The following SLC38A5 variants were observed in gnomAD, a reference collection of about 807,000 sequenced individuals.
SLC38A5 encodes sodium-coupled neutral amino acid transporter 5.
In SLC38A5, 9 loss-of-function variants were observed where a neutral mutation model predicts 34.6. That is an observed-to-expected ratio of 0.26 (90% confidence interval 0.16 to 0.45). The LOEUF is 0.45. Ranked by LOEUF, SLC38A5 falls within the 20% of genes least tolerant of loss-of-function variation. The pLI is 1.00. For missense variants in SLC38A5, 253 were observed against 394.7 expected, an observed-to-expected ratio of 0.64 and a Z score of 3.04; for synonymous variants, 157 against 155.6, an observed-to-expected ratio of 1.01 and a Z score of -0.07.
chrX:48,466,318 G>C lies in SLC38A5; in HGVS notation c.324C>G (p.Ile108Met). 1 of 1,194,371 alleles carries C rather than the reference G, an allele frequency of 8.4e-7. No homozygotes were observed. The highest frequency in any genetic ancestry group is 2.3e-5 in the Admixed American group (1 of 43,871). The change falls in exon 7 of 17, where the codon ATC (isoleucine) becomes ATG (methionine). Residue 108 changes from isoleucine to methionine, a missense_variant. Physicochemically the swap from Ile to Met is conservative, Grantham distance 10 (BLOSUM62 1). Around this residue, in one of 3 missense-constraint regions of SLC38A5, gnomAD observed 37 missense variants for 85.3 expected, o/e 0.43. Coordinates refer to ENST00000620913, the MANE Select transcript of SLC38A5 (RefSeq NM_033518.4). ...TCTGTCCCAGCTGCTCATAGGCTCG[G>C]ATGCCTAGCGGGGGGAGTCAGGAAC... ...LLLTCAGIAG[I>M]RAYEQLGQRA...
At chrX:48,467,451 G>A in intron 4 of SLC38A5, 1 of 431,600 alleles carries the variant, frequency 2.3e-6, no homozygotes, top group Non-Finnish European at 4.0e-6. Context: ...GGCAGGCCGG[G>A]AGGGGAGCAG....
rs1263929402 is a variant in SLC38A5, at chrX:48,459,194, G to A, written c.1318-160C>T. 5.4e-6 allele frequency: 3 copies of A among 554,609 alleles called. No homozygotes were observed. The East Asian group carries it at 1.1e-4, about 20-fold the overall frequency. 45.7% of individuals were successfully genotyped at this position (554,609 alleles called of 1,213,427 possible). A position where few individuals can be genotyped will look rare whatever the true frequency, so the allele number is the denominator to read the frequency against. ...TTCCTTACAGCCAGCCCCTTTCTGCGAGTCCTTCCACCTTCCCAGGACCCA... is the reference window on the plus strand; with the variant it reads ...TTCCTTACAGCCAGCCCCTTTCTGCAAGTCCTTCCACCTTCCCAGGACCCA... On this transcript the variant is annotated intron_variant, in intron 16 of 16. Transcript: ENST00000620913.
chrX:48,467,591 T>C (rs2061487605), intron 4 of SLC38A5, 119 bp downstream of exon 4: 5 of 694,230 alleles, frequency 7.2e-6, no homozygotes, highest in Non-Finnish European at 8.9e-6. Context: ...GTAGCTGTGC[T>C]GGGGAGATAG....
chrX:48,459,016 G>A lies in SLC38A5; in HGVS notation c.1336C>T (p.Leu446=). ...PKIQALCFGV[L]GVLFMAVSLG... The stretch of plus-strand genomic sequence containing the variant: ...CTGACGGCCATGAAGAGGACTCCCA[G>A]GACTCCAAAGCACAGGGCCTGTGGG... The change falls in exon 17 of 17, where the codon CTG becomes TTG. Residue 446 remains leucine, a synonymous_variant. Coordinates refer to ENST00000620913, the MANE Select transcript of SLC38A5 (RefSeq NM_033518.4). 8.4e-7 allele frequency: 1 copy of A among 1,193,467 alleles called. No individual in the cohort carries two copies. The highest frequency in any genetic ancestry group is 3.0e-5 in the East Asian group (1 of 32,870).
At position 48,466,981 on chromosome X, in the gene SLC38A5, T is replaced by G; in HGVS notation, c.226A>C (p.Thr76Pro). 1 of 1,211,429 alleles carries G rather than the reference T, an allele frequency of 8.3e-7. No homozygotes were observed. Among genetic ancestry groups the G allele is most frequent in the South Asian group, 1.8e-5 (1 of 56,963 alleles). The part of the protein sequence containing the change: ...ILGLAYAMAH[T>P]GVIFFLALLL... ...ACTCACAGGAAGAAGATGACCCCCGTGTGGGCCATGGCATAGGCCAGCCCC... is the reference window on the plus strand; with the variant it reads ...ACTCACAGGAAGAAGATGACCCCCGGGTGGGCCATGGCATAGGCCAGCCCC... The change falls in exon 5 of 17, where the codon ACG (threonine) becomes CCG (proline). Residue 76 changes from threonine to proline, a missense_variant. By Grantham distance (38) the Thr-to-Pro change is conservative. Coordinates refer to ENST00000620913, the MANE Select transcript of SLC38A5 (RefSeq NM_033518.4).
At chrX:48,468,027 T>C (rs1556964031) in intron 2 of SLC38A5, 102 bp from the exon 3 acceptor site, 2 of 851,443 alleles carry the variant, frequency 2.3e-6, no homozygotes, top group East Asian at 3.5e-5. Context: ...TAGAGACCGA[T>C]GGAAAGACGG....
rs2061489186 is a variant in SLC38A5, at chrX:48,467,734, C to T, written c.105G>A (p.Gly35=). The T allele has an allele frequency of 1.7e-6, 2 of 1,207,730 alleles. No individual in the cohort carries two copies. Among genetic ancestry groups the T allele is most frequent in the Non-Finnish European group, 2.2e-6 (2 of 893,751 alleles). Residue 35 remains glycine (G), a synonymous_variant, in exon 4 of 17, where the codon GGG becomes GGA. Coordinates refer to ENST00000620913, the MANE Select transcript of SLC38A5 (RefSeq NM_033518.4). ...GFLPSRGPAP[G]SKPVQFMDFE... is the part of the protein sequence containing the mutation. ...CATCCATGAACTGGACCGGCTTGCT[C>T]CCAGGAGCAGGACCACGACTGGGCA...
chrX:48,466,206 A>C, intron 7 of SLC38A5, 24 bp downstream of exon 7: 1 of 659,979 alleles, frequency 1.5e-6, no homozygotes, highest in Non-Finnish European at 2.5e-6. Context: ...CCCCAAGCTG[A>C]CCCCCACCTC....
chrX:48,467,439 AAGGC>A (rs2061486065), intron 4 of SLC38A5: 1 of 419,120 alleles, frequency 2.4e-6, no homozygotes, highest in South Asian at 3.6e-5. Flanking sequence ...CTGGAGGAGA[AAGGC>A]AGGCCGGGAG....
chrX:48,464,687 C>T (rs1268170317), intron 8 of SLC38A5, among the ~76,000 whole-genome samples: 2 of 112,109 alleles, frequency 1.8e-5, no homozygotes, highest in African/African-American at 6.5e-5. Flanking sequence ...ATGGCTTGAA[C>T]CTGGGAGGTG....
chrX:48,462,990 C>T lies in SLC38A5; in HGVS notation c.492-10G>A, dbSNP rs1556962282. On this transcript the variant is annotated splice_polypyrimidine_tract_variant and intron_variant, in intron 8 of 16. Coordinates refer to ENST00000620913, the MANE Select transcript of SLC38A5 (RefSeq NM_033518.4). ...CTTCAAGAACCAGTCCCTAGAGAGA[C>T]AGGAAGACACAGTGCCTAGCTGCCA... The T allele has an allele frequency of 8.6e-7, 1 of 1,167,218 alleles. No individual in the cohort carries two copies. The highest frequency in any genetic ancestry group is 3.0e-5 in the East Asian group (1 of 33,501).
intron 8 of SLC38A5, among the ~76,000 whole-genome samples, chrX:48,463,802 G>GA (rs1409836935): frequency 3.2e-5 from 2 of 61,928 alleles, no homozygotes; most frequent in African/African-American, 6.0e-5. Flanking sequence ...AAGAAAGAAA[G>GA]AAAAAAAAGA....
chrX:48,458,694 T>TC lies in SLC38A5; in HGVS notation c.*238dup, dbSNP rs1556961178. The TC allele has an allele frequency of 6.8e-3, 6,626 of 979,043 alleles. 491 individuals are homozygous for TC. The African/African-American group carries it at 0.14, about 21-fold the overall frequency. 80.7% of individuals were successfully genotyped at this position (979,043 alleles called of 1,213,427 possible). A position where few individuals can be genotyped will look rare whatever the true frequency, so the allele number is the denominator to read the frequency against. ...CTCCTCCTCCTCCTCCTCCTCCTCC[T>TC]CTTCTTCCTCCTCCTCCTCCTCCCA... On this transcript the variant is annotated 3_prime_UTR_variant, in exon 17 of 17. Coordinates refer to ENST00000620913, the MANE Select transcript of SLC38A5 (RefSeq NM_033518.4).
chrX:48,459,952 C>T (rs2061423599), intron 14 of SLC38A5, 76 bp from the exon 15 acceptor site: 1 of 1,121,793 alleles, frequency 8.9e-7, no homozygotes, highest in African/African-American at 1.9e-5. Context: ...CTGTCTTTAG[C>T]TCCACCCTCT....
In SLC38A5 at chrX:48,459,789, A is replaced by G. The variant is rs1221266690; in HGVS notation, c.1156T>C (p.Leu386=). The G allele has an allele frequency of 8.3e-7, 1 of 1,209,980 alleles. No homozygotes were observed. The highest frequency in any genetic ancestry group is 1.7e-5 in the African/African-American group (1 of 57,209). Residue 386 remains leucine (L), a synonymous_variant, in exon 15 of 17, where the codon TTG becomes CTG. Coordinates refer to ENST00000620913, the MANE Select transcript of SLC38A5 (RefSeq NM_033518.4). ...HVAIALILLV[L]VNVLVICVPT... is the part of the protein sequence containing the mutation. ...ACACAGATGACAAGGACATTGACCA[A>G]AACAAGCAGGATCAGAGCTATGGCC...
chrX:48,461,996 T>C lies in SLC38A5; in HGVS notation c.771+11A>G, dbSNP rs1430235676. Reference sequence around the variant, plus strand: ...AGTGTGATGCAATCTCCTACATGCCTGCACACACACCTGTGAGTCAACTGT... The same window carrying C: ...AGTGTGATGCAATCTCCTACATGCCCGCACACACACCTGTGAGTCAACTGT... On this transcript the variant is annotated intron_variant, in intron 11 of 16. Coordinates refer to ENST00000620913, the MANE Select transcript of SLC38A5 (RefSeq NM_033518.4). The C allele has an allele frequency of 1.7e-6, 2 of 1,148,690 alleles. No homozygotes were observed. The highest frequency in any genetic ancestry group is 3.6e-5 in the African/African-American group (2 of 55,123). 94.7% of individuals were successfully genotyped at this position (1,148,690 alleles called of 1,213,427 possible). A position where few individuals can be genotyped will look rare whatever the true frequency, so the allele number is the denominator to read the frequency against.
In SLC38A5 at chrX:48,460,773, T is replaced by A; in HGVS notation, c.953-9A>T. 8.3e-7 allele frequency: 1 copy of A among 1,204,921 alleles called. No homozygotes were observed. The highest frequency in any genetic ancestry group is 1.8e-5 in the South Asian group (1 of 56,431). On this transcript the variant is annotated splice_polypyrimidine_tract_variant and intron_variant, in intron 13 of 16. Coordinates refer to ENST00000620913, the MANE Select transcript of SLC38A5 (RefSeq NM_033518.4). ...CTCCGCCTTCACACTGCCTGGGCCA[T>A]GAGACAGAGGGTACGGGATGCAGGA...
chrX:48,462,941 G>A lies in SLC38A5; in HGVS notation c.531C>T (p.Val177=). ...FLKGNLLIII[V]SVLIILPLAL... is the part of the protein sequence containing the mutation. The stretch of plus-strand genomic sequence containing the variant: ...CGAGGGGCAGGATGATTAACACACT[G>A]ACGATGATGATGAGGAGGTTTCCCT... The change falls in exon 9 of 17, where the codon GTC becomes GTT. Residue 177 remains valine, a synonymous_variant. Transcript: ENST00000620913. 3 of 1,209,263 alleles carry A rather than the reference G, an allele frequency of 2.5e-6. No homozygotes were observed. Among genetic ancestry groups the A allele is most frequent in the Non-Finnish European group, 3.4e-6 (3 of 894,468 alleles).
At chrX:48,466,437 G>A in intron 6 of SLC38A5, 115 bp from the exon 7 acceptor site, 1 of 712,996 alleles carries the variant, frequency 1.4e-6, no homozygotes, top group South Asian at 2.6e-5. Flanking sequence ...TTTGACTGAT[G>A]GAGGATGAAG....
Sources: gnomAD v4.1 joint callset for allele counts (sites outside exome capture counted in the v4.1 genomes callset) on GRCh38, gnomAD v4.1.1 for gene constraint, gnomAD v4.1.1 regional missense constraint, MANE v1.5 for transcripts, NCBI Gene and HGNC (gene_info 2026-07-23, HGNC 2026-07-21) for gene names.